ACAA2: variants seen among roughly 807,000 people sequenced by gnomAD.
ACAA2 encodes the protein 3-ketoacyl-CoA thiolase, mitochondrial.
A neutral mutation model predicts 44.8 loss-of-function variants in ACAA2; 35 were observed. That is an observed-to-expected ratio of 0.78 (90% CI 0.60 to 1.04). ACAA2 has a LOEUF of 1.04. Ranked by LOEUF, ACAA2 falls within the 50% of genes least tolerant of loss-of-function variation. ACAA2 has a pLI of 0.00. For missense variants in ACAA2, 468 were observed against 482.6 expected (o/e 0.97, Z 0.28); for synonymous variants, 142 against 166.5 (o/e 0.85, Z 1.13).
chr18:49,804,442 A>C (rs2023590650), intron 1 of ACAA2, among the ~76,000 whole-genome samples: 1 of 152,194 alleles, frequency 6.6e-6, no homozygotes, highest in Non-Finnish European at 1.5e-5. Flanking sequence ...GTTACCTTCT[A>C]CATGTGTATC....
chr18:49,802,493 C>T (rs753976279), intron 2 of ACAA2, among the ~76,000 whole-genome samples, 194 bp downstream of exon 2: 139 of 145,324 alleles, frequency 9.6e-4, no homozygotes, highest in Non-Finnish European at 1.7e-3. Context: ...ACCCGGGAGG[C>T]GGAAGTTGCA....
chr18:49,787,467 A>C, intron 7 of ACAA2, 106 bp from the exon 8 acceptor site: 1 of 792,532 alleles, frequency 1.3e-6, no homozygotes, highest in Non-Finnish European at 1.8e-6. Flanking sequence ...ATAATGCGGC[A>C]GTTATTAGTA....
At chr18:49,789,458 C>T (rs866840256) in intron 7 of ACAA2, among the ~76,000 whole-genome samples, 7 of 152,040 alleles carry the variant, frequency 4.6e-5, no homozygotes, top group African/African-American at 1.2e-4. Flanking sequence ...GTTCAAGCCC[C>T]GAGGAAAAAT....
At chr18:49,802,317 A>T (rs1261623379) in intron 2 of ACAA2, among the ~76,000 whole-genome samples, 1 of 152,082 alleles carries the variant, frequency 6.6e-6, no homozygotes, top group Non-Finnish European at 1.5e-5. Flanking sequence ...TCATCCCAGC[A>T]CTTTGGGGGG....
Position 49,782,714 on chromosome 18 carries a change from G to A in ACAA2, c.*1133C>T, listed in dbSNP as rs1179655785. On this transcript the variant is annotated 3_prime_UTR_variant, in exon 10 of 10. Coordinates refer to ENST00000285093, the MANE Select transcript of ACAA2 (RefSeq NM_006111.3). ...ATACAAAAAATTAGCCGGGCGTAGT[G>A]GCAGGCGCCTGTAGTCCCAGCTACT... 5 of 152,272 alleles carry A rather than the reference G, an allele frequency of 3.3e-5. No homozygotes were observed. The highest frequency in any genetic ancestry group is 1.2e-4 in the African/African-American group (5 of 41,428). 9.4% of individuals were successfully genotyped at this position (152,272 alleles called of 1,614,324 possible).
At chr18:49,789,574 C>A (rs1354304828) in intron 7 of ACAA2, among the ~76,000 whole-genome samples, 3 of 152,208 alleles carry the variant, frequency 2.0e-5, no homozygotes, top group Non-Finnish European at 4.4e-5. Flanking sequence ...CTATGCTAAT[C>A]TACCAGAACC....
intron 9 of ACAA2, 37 bp from the exon 10 acceptor site, chr18:49,783,968 A>G: frequency 6.5e-7 from 1 of 1,534,376 alleles, no homozygotes; most frequent in Non-Finnish European, 9.0e-7. Flanking sequence ...CTACTCTAAT[A>G]AAAAATCAGA....
At chr18:49,790,033 G>A (rs2023380163) in intron 7 of ACAA2, among the ~76,000 whole-genome samples, 1 of 152,182 alleles carries the variant, frequency 6.6e-6, no homozygotes, top group Non-Finnish European at 1.5e-5. Flanking sequence ...TGGGGGTTAT[G>A]AGTGGATTCT....
At chr18:49,784,435 C>G (rs770651580) in intron 9 of ACAA2, among the ~76,000 whole-genome samples, 20 of 152,042 alleles carry the variant, frequency 1.3e-4, no homozygotes, top group Non-Finnish European at 2.6e-4. Flanking sequence ...TATCCATGTC[C>G]CTTTCATAAA....
intron 1 of ACAA2, among the ~76,000 whole-genome samples, chr18:49,810,195 A>G (rs2023653605): frequency 6.6e-6 from 1 of 152,214 alleles, no homozygotes; most frequent in Non-Finnish European, 1.5e-5. Context: ...TAAAAAACAT[A>G]AATTTGTATA....
At position 49,801,682 on chromosome 18, in the gene ACAA2, T is replaced by C. The variant is rs528534328; in HGVS notation, c.183+1005A>G. Among the ~76,000 whole-genome samples the C allele has an allele frequency of 2.3e-3, 344 of 151,282 alleles. 1 individual carries two copies. Among genetic ancestry groups the C allele is most frequent in the Middle Eastern group, 3.4e-3 (1 of 294 alleles). On this transcript the variant is annotated intron_variant, in intron 2 of 9. Transcript: ENST00000285093. ...GACTTCTGTGTCCATTGTCATTCTCTTTCCTTTAGCAATGATCACATCATT... is the reference window on the plus strand; with the variant it reads ...GACTTCTGTGTCCATTGTCATTCTCCTTCCTTTAGCAATGATCACATCATT...
chr18:49,809,325 C>T (rs1181832623), intron 1 of ACAA2, among the ~76,000 whole-genome samples: 2 of 152,140 alleles, frequency 1.3e-5, no homozygotes. Context: ...ACATCCTCAG[C>T]TTACGAAGAT....
At position 49,795,204 on chromosome 18, in the gene ACAA2, G is replaced by T. The variant is rs555601582; in HGVS notation, c.429+561C>A. ...TAAAATGTCAGTAGCCCTTTCACAT[G>T]GGAATGAGAAGAAAACATCATTCTT... On this transcript the variant is annotated intron_variant, in intron 4 of 9. Coordinates refer to ENST00000285093, the MANE Select transcript of ACAA2 (RefSeq NM_006111.3). 4.6e-5 allele frequency among the ~76,000 whole-genome samples: 7 copies of T among 152,268 alleles called. No individual in the cohort carries two copies. The South Asian group carries it at 1.4e-3, about 32-fold the overall frequency.
At chr18:49,792,067 T>A (rs1260631165) in intron 6 of ACAA2, 85 bp downstream of exon 6, 40 of 1,125,120 alleles carry the variant, frequency 3.6e-5, no homozygotes, top group Non-Finnish European at 5.1e-5. Flanking sequence ...AAGACTGGCA[T>A]AAAAAGTATT....
chr18:49,803,161 A>C (rs1256190065), intron 1 of ACAA2, among the ~76,000 whole-genome samples: 1 of 151,734 alleles, frequency 6.6e-6, no homozygotes, highest in Non-Finnish European at 1.5e-5. Context: ...GGAAAAGAAA[A>C]AAGCAAAAAG....
intron 5 of ACAA2, among the ~76,000 whole-genome samples, chr18:49,793,852 T>TAA (rs2143957935): frequency 6.6e-6 from 1 of 152,292 alleles, no homozygotes; most frequent in African/African-American, 2.4e-5. Context: ...AAGGAAAGCA[T>TAA]AAAAGACCCA....
At chr18:49,800,306 C>T (rs948511708) in intron 2 of ACAA2, among the ~76,000 whole-genome samples, 1 of 150,910 alleles carries the variant, frequency 6.6e-6, no homozygotes, top group Non-Finnish European at 1.5e-5. Flanking sequence ...CCAGCCGCCC[C>T]GTCCGGGAGG....
intron 2 of ACAA2, among the ~76,000 whole-genome samples, chr18:49,799,144 T>C (rs1354626795): frequency 6.6e-6 from 1 of 152,000 alleles, no homozygotes; most frequent in Non-Finnish European, 1.5e-5. Flanking sequence ...ACAAAAACAC[T>C]GAACAAACTA....
chr18:49,794,485 G>T, intron 4 of ACAA2, 58 bp from the exon 5 acceptor site: 1 of 1,212,472 alleles, frequency 8.2e-7, no homozygotes. Flanking sequence ...AAAGTAATAT[G>T]TTATAATTTC....
Sources: gnomAD v4.1 joint callset for allele counts (sites outside exome capture counted in the v4.1 genomes callset) on GRCh38, gnomAD v4.1.1 for gene constraint, MANE v1.5 for transcripts, NCBI Gene and HGNC (gene_info 2026-07-23, HGNC 2026-07-21) for gene names.